Variants in TMEM192 observed in about 807,000 individuals in gnomAD.
TMEM192 encodes transmembrane protein 192.
In TMEM192, 20 loss-of-function variants were observed where a neutral mutation model predicts 26.7. The ratio of observed to expected loss-of-function variants is 0.75; its 90% CI spans 0.53 to 1.09. TMEM192 has a LOEUF of 1.09. TMEM192 is among the 50% of genes least tolerant of loss of function. The pLI is 0.00. For missense variants in TMEM192, 304 were observed against 322.6 expected, an observed-to-expected ratio of 0.94 and a Z score of 0.44; for synonymous variants, 124 against 121.0, an observed-to-expected ratio of 1.02 and a Z score of -0.16.
At position 165,103,087 on chromosome 4, in the gene TMEM192, C is replaced by A; in HGVS notation, c.37G>T (p.Asp13Tyr). The change falls in exon 2 of 6, where the codon GAT becomes TAT. Residue 13 changes from aspartate to tyrosine, a missense_variant. Coordinates refer to ENST00000306480, the MANE Select transcript of TMEM192 (RefSeq NM_001100389.2). ...TCGTCTTCAATACTCTGGGTGATAT[C>A]CAAGGAACCCTGGGGTGCAGAAAAA... ...AGGRMEDGSL[D>Y]ITQSIEDDPL... 1 of 1,608,820 alleles carries A rather than the reference C, an allele frequency of 6.2e-7. No individual in the cohort carries two copies. Among genetic ancestry groups the A allele is most frequent in the Non-Finnish European group, 8.5e-7 (1 of 1,177,788 alleles).
At chr4:165,105,138 T>C (rs1735135578) in intron 1 of TMEM192, among the ~76,000 whole-genome samples, 2 of 152,204 alleles carry the variant, frequency 1.3e-5, no homozygotes, top group African/African-American at 4.8e-5. Flanking sequence ...GTCTCTTACT[T>C]ATCTCTTCTC....
intron 5 of TMEM192, 76 bp from the exon 6 acceptor site, chr4:165,079,872 C>T: frequency 7.0e-7 from 1 of 1,422,290 alleles, no homozygotes; most frequent in Non-Finnish European, 9.4e-7. Context: ...TGAGTACCTA[C>T]TAGTTTTTAG....
intron 5 of TMEM192, among the ~76,000 whole-genome samples, chr4:165,080,358 G>C (rs575254139): frequency 6.6e-6 from 1 of 151,820 alleles, no homozygotes; most frequent in Non-Finnish European, 1.5e-5. Flanking sequence ...AACCCACTTC[G>C]GTCTCACTGC....
At position 165,076,508 on chromosome 4, in the gene TMEM192, G is replaced by C. The variant is rs1385766231; in HGVS notation, c.*3150C>G. 6.6e-6 allele frequency: 1 copy of C among 152,228 alleles called. No homozygotes were observed. Among genetic ancestry groups the C allele is most frequent in the Non-Finnish European group, 1.5e-5 (1 of 68,080 alleles). 9.4% of individuals were successfully genotyped at this position (152,228 alleles called of 1,614,324 possible). A position where few individuals can be genotyped will look rare whatever the true frequency, so the allele number is the denominator to read the frequency against. On this transcript the variant is annotated 3_prime_UTR_variant, in exon 6 of 6. Transcript: ENST00000306480. ...TTGGTTCCAGCTATACACAGTGCTTGTGATATTTTGTAGCTATTTGCCTTC... is the reference window on the plus strand; with the variant it reads ...TTGGTTCCAGCTATACACAGTGCTTCTGATATTTTGTAGCTATTTGCCTTC...
intron 5 of TMEM192, among the ~76,000 whole-genome samples, chr4:165,084,798 C>T (rs927649707): frequency 1.3e-5 from 2 of 151,602 alleles, no homozygotes; most frequent in Non-Finnish European, 2.9e-5. Context: ...CTACTTTAGC[C>T]CCAAGATCTC....
intron 1 of TMEM192, among the ~76,000 whole-genome samples, chr4:165,104,766 GGT>G (rs1491181578): frequency 1.3e-5 from 2 of 152,060 alleles, no homozygotes; most frequent in African/African-American, 4.8e-5. Context: ...CCCAACCCCA[GGT>G]GATCCGCCTG....
In TMEM192 at chr4:165,111,471, C is replaced by G. The variant is rs141263216; in HGVS notation, c.27+1276G>C. ...GCTAAAAGCTACAGATCCAAGAACG[C>G]CAGAGCAGCTTAGCATCAACCAAGA... On this transcript the variant is annotated intron_variant, in intron 1 of 5. Coordinates refer to ENST00000306480, the MANE Select transcript of TMEM192 (RefSeq NM_001100389.2). Among the ~76,000 whole-genome samples, 364 of 152,264 alleles carry G rather than the reference C, an allele frequency of 2.4e-3. 2 individuals are homozygous for G. The highest frequency in any genetic ancestry group is 8.2e-3 in the African/African-American group (341 of 41,538).
chr4:165,106,614 G>A lies in TMEM192; in HGVS notation c.28-3518C>T, dbSNP rs561104589. ...AGTTTTCTGGCTCTCTCTTTCCTGCGTCAGATGCTTGCCTCCTTAATTCCT... is the reference window on the plus strand; with the variant it reads ...AGTTTTCTGGCTCTCTCTTTCCTGCATCAGATGCTTGCCTCCTTAATTCCT... On this transcript the variant is annotated intron_variant, in intron 1 of 5. Coordinates refer to ENST00000306480, the MANE Select transcript of TMEM192 (RefSeq NM_001100389.2). 3.9e-5 allele frequency among the ~76,000 whole-genome samples: 6 copies of A among 152,326 alleles called. No homozygotes were observed. In the South Asian group the frequency reaches 6.2e-4, roughly 16 times the overall value.
chr4:165,107,909 T>C (rs982057548), intron 1 of TMEM192, among the ~76,000 whole-genome samples: 7 of 152,202 alleles, frequency 4.6e-5, no homozygotes, highest in African/African-American at 1.4e-4. Context: ...CATGTCTCTA[T>C]GTAACTTCTA....
At chr4:165,106,378 C>T (rs34022823) in intron 1 of TMEM192, among the ~76,000 whole-genome samples, 23,368 of 152,136 alleles carry the variant, frequency 0.15, 2,254 homozygotes, top group South Asian at 0.26. Flanking sequence ...GACAAACATT[C>T]GTGTTTCTCT....
Position 165,076,071 on chromosome 4 carries a change from T to G in TMEM192, c.*3587A>C, listed in dbSNP as rs1164842139. 1 of 151,974 alleles carries G rather than the reference T, an allele frequency of 6.6e-6. No individual in the cohort carries two copies. The highest frequency in any genetic ancestry group is 1.5e-5 in the Non-Finnish European group (1 of 67,990). The allele number at this position is 151,974 out of a possible 1,614,324, so 9.4% of individuals were successfully genotyped here. A position where few individuals can be genotyped will look rare whatever the true frequency, so the allele number is the denominator to read the frequency against. On this transcript the variant is annotated 3_prime_UTR_variant, in exon 6 of 6. Coordinates refer to ENST00000306480, the MANE Select transcript of TMEM192 (RefSeq NM_001100389.2). ...AAAAAGTGTACATTGGTATAATCCCTTGGTAGTGAGATTTCAAATAATTGT... is the reference window on the plus strand; with the variant it reads ...AAAAAGTGTACATTGGTATAATCCCGTGGTAGTGAGATTTCAAATAATTGT...
intron 1 of TMEM192, among the ~76,000 whole-genome samples, chr4:165,104,573 G>A (rs186207648): frequency 1.2e-4 from 18 of 152,170 alleles, no homozygotes; most frequent in Admixed American, 1.0e-3. Context: ...CTCTGTCGCC[G>A]AGGCTGGAGT....
rs1734499010 is a variant in TMEM192 at position 165,080,655 on chromosome 4, A to T, written c.678-859T>A. 2.0e-5 allele frequency among the ~76,000 whole-genome samples: 3 copies of T among 152,198 alleles called. No homozygotes were observed. The South Asian group carries it at 6.2e-4, about 32-fold the overall frequency. On this transcript the variant is annotated intron_variant, in intron 5 of 5. Coordinates refer to ENST00000306480, the MANE Select transcript of TMEM192 (RefSeq NM_001100389.2). ...GTGAACAAAAAAGATTTATTCTTAG[A>T]AATAAATAGTTATGCTTATAAATAA...
chr4:165,088,499 G>A lies in TMEM192; in HGVS notation c.543C>T (p.Ile181=). Residue 181 remains isoleucine, a synonymous_variant, in exon 4 of 6, where the codon ATC becomes ATT. Transcript: ENST00000306480. ...LILAILALEL[I]CSLICLLIYT... Reference sequence around the variant, plus strand: ...AAATGAGGAGACATATCAGGGAACAGATGAGTTCCAGTGCCAAGATGGCCA... The same window carrying A: ...AAATGAGGAGACATATCAGGGAACAAATGAGTTCCAGTGCCAAGATGGCCA... 1 of 1,613,808 alleles carries A rather than the reference G, an allele frequency of 6.2e-7. No homozygotes were observed. Among genetic ancestry groups the A allele is most frequent in the Non-Finnish European group, 8.5e-7 (1 of 1,179,856 alleles).
At chr4:165,097,735 C>T (rs1734946924) in intron 3 of TMEM192, among the ~76,000 whole-genome samples, 1 of 151,248 alleles carries the variant, frequency 6.6e-6, no homozygotes, top group African/African-American at 2.4e-5. Context: ...CCACCTCAGC[C>T]TCCCAAGTAG....
At chr4:165,106,995 C>G (rs563442945) in intron 1 of TMEM192, among the ~76,000 whole-genome samples, 2 of 152,014 alleles carry the variant, frequency 1.3e-5, no homozygotes, top group Non-Finnish European at 2.9e-5. Flanking sequence ...AATCTGTCCC[C>G]AAGTAACTTC....
At chr4:165,102,832 A>G (rs1254278323) in intron 2 of TMEM192, 118 bp downstream of exon 2, 2 of 924,754 alleles carry the variant, frequency 2.2e-6, no homozygotes, top group Non-Finnish European at 3.0e-6. Context: ...GGATGTCCTA[A>G]GAACATGTGC....
At position 165,096,150 on chromosome 4, in the gene TMEM192, G is replaced by C. The variant is rs1320264415; in HGVS notation, c.439+4478C>G. Among the ~76,000 whole-genome samples the C allele has an allele frequency of 2.6e-5, 4 of 151,772 alleles. 1 individual carries two copies. Among genetic ancestry groups the C allele is most frequent in the Admixed American group, 1.3e-4 (2 of 15,256 alleles). On this transcript the variant is annotated intron_variant, in intron 3 of 5. Transcript: ENST00000306480. Reference sequence around the variant, plus strand: ...AGGCCGGGCGCAGTGGCTCATGCCTGTAATGCCAGCACTATGGGAGGCCAA... The same window carrying C: ...AGGCCGGGCGCAGTGGCTCATGCCTCTAATGCCAGCACTATGGGAGGCCAA...
chr4:165,095,377 A>G (rs953507544), intron 3 of TMEM192, among the ~76,000 whole-genome samples: 4 of 152,140 alleles, frequency 2.6e-5, no homozygotes, highest in African/African-American at 9.7e-5. Flanking sequence ...TACAGGAGAG[A>G]CCCAGCTGCT....
Sources: gnomAD v4.1 joint callset for allele counts (sites outside exome capture counted in the v4.1 genomes callset) on GRCh38, gnomAD v4.1.1 for gene constraint, MANE v1.5 for transcripts, NCBI Gene and HGNC (gene_info 2026-07-23, HGNC 2026-07-21) for gene names.